The following AMOTL1 variants were observed in gnomAD, a reference collection of about 807,000 sequenced individuals.
The protein encoded by AMOTL1 is angiomotin-like protein 1.
A neutral mutation model predicts 102.9 loss-of-function variants in AMOTL1; 45 were observed. That is an observed-to-expected ratio of 0.44 (90% CI 0.34 to 0.56). The LOEUF (loss-of-function observed/expected upper bound fraction) is 0.56. AMOTL1 is among the 20% of genes least tolerant of loss of function. The pLI is 0.01. For missense variants in AMOTL1, 1,114 were observed against 1,225.6 expected (o/e 0.91, Z 1.36); for synonymous variants, 481 against 484.7 (o/e 0.99, Z 0.10).
At chr11:94,740,852 G>A (rs1258386219) in intron 2 of AMOTL1, 10 of 1,123,298 alleles carry the variant, frequency 8.9e-6, no homozygotes, top group African/African-American at 1.8e-5. Context: ...CGCTTTTCCC[G>A]GGGACCTGCG....
At chr11:94,790,359 A>G (rs1481532980) in intron 1 of AMOTL1, among the ~76,000 whole-genome samples, 1 of 152,190 alleles carries the variant, frequency 6.6e-6, no homozygotes, top group Non-Finnish European at 1.5e-5. Context: ...GGTGAAATTT[A>G]AGTACCACAA....
chr11:94,714,071 A>C (rs1027724477), intron 1 of AMOTL1, among the ~76,000 whole-genome samples: 6 of 151,878 alleles, frequency 4.0e-5, no homozygotes, highest in Non-Finnish European at 5.9e-5. Flanking sequence ...CTTTATTCCT[A>C]CTTTGCTGAG....
rs150091976 is a variant in AMOTL1, at chr11:94,780,241, G to A, written c.49+11681G>A. Among the ~76,000 whole-genome samples the A allele has an allele frequency of 6.6e-4, 101 of 152,334 alleles. 1 individual carries two copies. The highest frequency in any genetic ancestry group is 2.3e-3 in the African/African-American group (97 of 41,570). On this transcript the variant is annotated intron_variant, in intron 1 of 12. Transcript: ENST00000433060. Reference sequence around the variant, plus strand: ...CTCTGAAGATGGAGCCTCTTAGGCAGCTGAGGGTATTCAGGCTAGTCTAGT... The same window carrying A: ...CTCTGAAGATGGAGCCTCTTAGGCAACTGAGGGTATTCAGGCTAGTCTAGT...
At chr11:94,717,400 G>T (rs559345301) in intron 1 of AMOTL1, among the ~76,000 whole-genome samples, 1 of 149,674 alleles carries the variant, frequency 6.7e-6, no homozygotes, top group Non-Finnish European at 1.5e-5. Flanking sequence ...AATTATTAAA[G>T]TATGGGTACA....
intron 2 of AMOTL1, chr11:94,740,822 C>A: frequency 2.5e-6 from 2 of 802,344 alleles, no homozygotes; most frequent in South Asian, 1.4e-5. Flanking sequence ...GGATTCTGAG[C>A]GCTGGGAGAG....
chr11:94,800,736 G>C (rs1268207763), intron 3 of AMOTL1, among the ~76,000 whole-genome samples: 1 of 152,146 alleles, frequency 6.6e-6, no homozygotes, highest in Non-Finnish European at 1.5e-5. Context: ...GAGTTAAAGG[G>C]ACTGTAGAAA....
At chr11:94,843,761 A>G (rs984281958) in intron 6 of AMOTL1, among the ~76,000 whole-genome samples, 10 of 152,228 alleles carry the variant, frequency 6.6e-5, no homozygotes, top group African/African-American at 1.9e-4. Context: ...TTTCAGCAGC[A>G]TTGTGGAGAA....
chr11:94,787,307 A>T (rs531293081), intron 1 of AMOTL1, among the ~76,000 whole-genome samples: 1 of 152,270 alleles, frequency 6.6e-6, no homozygotes, highest in South Asian at 2.1e-4. Flanking sequence ...TGAAGAAGAC[A>T]TCGGGGAACT....
At chr11:94,768,138 G>A (rs547212902), upstream of AMOTL1, among the ~76,000 whole-genome samples, 16 of 152,290 alleles carry the variant, frequency 1.1e-4, no homozygotes, top group South Asian at 2.1e-4. Flanking sequence ...GGATGCTGTC[G>A]CCCTCCTAAG....
At chr11:94,798,814 C>A (rs111237487) in intron 2 of AMOTL1, among the ~76,000 whole-genome samples, 2,946 of 152,156 alleles carry the variant, frequency 0.019, 111 homozygotes, top group African/African-American at 0.067. Context: ...GGTAACCAAC[C>A]ATGTCAAATG....
At chr11:94,773,013 C>T (rs1470913496) in intron 1 of AMOTL1, among the ~76,000 whole-genome samples, 1 of 152,144 alleles carries the variant, frequency 6.6e-6, no homozygotes, top group African/African-American at 2.4e-5. Flanking sequence ...TCCATATATC[C>T]TCTTTGGCGA....
At chr11:94,853,513 T>C (rs376490861) in intron 7 of AMOTL1, among the ~76,000 whole-genome samples, 12 of 152,332 alleles carry the variant, frequency 7.9e-5, no homozygotes, top group African/African-American at 2.2e-4. Context: ...TATTCCATGG[T>C]GTATATGTAC....
chr11:94,800,337 T>G, intron 3 of AMOTL1, 26 bp downstream of exon 3: 2 of 1,542,090 alleles, frequency 1.3e-6, no homozygotes, highest in Non-Finnish European at 1.7e-6. Flanking sequence ...AGACGTTTCG[T>G]GCGGCTTTTC....
chr11:94,865,156 G>C (rs1952855977), intron 10 of AMOTL1, among the ~76,000 whole-genome samples: 1 of 152,106 alleles, frequency 6.6e-6, no homozygotes, highest in Non-Finnish European at 1.5e-5. Context: ...GTTATTTCTT[G>C]GTGTCTATCT....
chr11:94,739,335 C>T (rs1327185014), intron 2 of AMOTL1, among the ~76,000 whole-genome samples: 2 of 152,082 alleles, frequency 1.3e-5, no homozygotes, highest in East Asian at 1.9e-4. Flanking sequence ...GATTTGGGAG[C>T]TCAGATTATA....
intron 1 of AMOTL1, among the ~76,000 whole-genome samples, chr11:94,791,353 C>G (rs1411512463): frequency 6.6e-6 from 1 of 152,220 alleles, no homozygotes; most frequent in Non-Finnish European, 1.5e-5. Flanking sequence ...TGTACTTTCT[C>G]CTCCCCAGTG....
Position 94,783,025 on chromosome 11 carries a change from C to T in AMOTL1, c.50-11986C>T, listed in dbSNP as rs980052153. On this transcript the variant is annotated intron_variant, in intron 1 of 12. Transcript: ENST00000433060. ...ATGCATTAAATATTGATTTAGCTCA[C>T]ATTAACAATAACTCATTGGGTCCTC... Among the ~76,000 whole-genome samples, 3 of 152,152 alleles carry T rather than the reference C, an allele frequency of 2.0e-5. No individual in the cohort carries two copies. The South Asian group carries it at 6.2e-4, about 32-fold the overall frequency.
chr11:94,774,484 T>G (rs1950996362), intron 1 of AMOTL1, among the ~76,000 whole-genome samples: 1 of 152,176 alleles, frequency 6.6e-6, no homozygotes, highest in Non-Finnish European at 1.5e-5. Context: ...TGTCTCAAAT[T>G]TCATAACTGG....
chr11:94,850,007 A>C, intron 6 of AMOTL1, 107 bp from the exon 7 acceptor site: 26 of 1,271,326 alleles, frequency 2.0e-5, no homozygotes, highest in Non-Finnish European at 2.6e-5. Context: ...GTCCTCCATT[A>C]TTTGCATGCT....
Sources: gnomAD v4.1 joint callset for allele counts (sites outside exome capture counted in the v4.1 genomes callset) on GRCh38, gnomAD v4.1.1 for gene constraint, MANE v1.5 for transcripts, NCBI Gene and HGNC (gene_info 2026-07-23, HGNC 2026-07-21) for gene names.